Variants in PLPP1 observed in about 807,000 individuals in gnomAD.
The protein encoded by PLPP1 is phospholipid phosphatase 1.
Under a neutral mutation model 31.2 loss-of-function variants are expected in PLPP1, and 24 were observed. The ratio of observed to expected loss-of-function variants is 0.77; its 90% CI spans 0.56 to 1.08. The LOEUF is 1.08. Among genes scored for constraint, PLPP1 ranks in the 50% least tolerant of loss-of-function variants. The pLI, the probability that PLPP1 is intolerant of heterozygous loss-of-function variation, is 0.00. For missense variants in PLPP1, 319 were observed against 342.7 expected (o/e 0.93, Z 0.55); for synonymous variants, 146 against 126.3 (o/e 1.16, Z -1.05).
chr5:55,437,503 A>AT (rs1171251143), intron 4 of PLPP1, among the ~76,000 whole-genome samples: 4 of 151,522 alleles, frequency 2.6e-5, no homozygotes, highest in Non-Finnish European at 4.4e-5. Context: ...AAGCCTAAAT[A>AT]TTTATTATCT....
At chr5:55,530,415 G>A (rs1740618861) in intron 1 of PLPP1, 2 of 1,261,436 alleles carry the variant, frequency 1.6e-6, no homozygotes, top group African/African-American at 1.5e-5. Context: ...TTGACACAGG[G>A]GACACTTATA....
At chr5:55,472,775 GGAAGAA>G (rs1179017595) in intron 2 of PLPP1, among the ~76,000 whole-genome samples, 1 of 40,550 alleles carries the variant, frequency 2.5e-5, no homozygotes, top group African/African-American at 7.1e-5. Flanking sequence ...AAGAGGAAGA[GGAAGAA>G]GAAGAAGAAG....
At chr5:55,530,280 C>T in intron 1 of PLPP1, 1 of 1,508,332 alleles carries the variant, frequency 6.6e-7, no homozygotes, top group South Asian at 1.1e-5. Context: ...AACGAAATTT[C>T]TGGTAATCTG....
intron 1 of PLPP1, among the ~76,000 whole-genome samples, chr5:55,483,436 C>T (rs1752710752): frequency 6.6e-6 from 1 of 152,008 alleles, no homozygotes; most frequent in Admixed American, 6.6e-5. Flanking sequence ...TTTGGGGAGG[C>T]TGAGGTGGGC....
rs146996591 is a variant in PLPP1 at position 55,450,275 on chromosome 5, G to T, written c.492-8367C>A. Among the ~76,000 whole-genome samples, 1,286 of 152,194 alleles carry T rather than the reference G, an allele frequency of 8.4e-3. 14 individuals are homozygous for T. Among genetic ancestry groups the T allele is most frequent in the South Asian group, 0.046 (220 of 4,816 alleles). On this transcript the variant is annotated intron_variant, in intron 3 of 5. Transcript: ENST00000307259. ...ACATGCCGAGTGACTGACATCTACA[G>T]ATATTAGGTCATAAACCTTAAAGGA...
At chr5:55,442,224 C>G (rs965164172) in intron 3 of PLPP1, among the ~76,000 whole-genome samples, 1 of 152,138 alleles carries the variant, frequency 6.6e-6, no homozygotes, top group African/African-American at 2.4e-5. Flanking sequence ...CACAAATTGC[C>G]TTGACTTTAT....
intron 3 of PLPP1, among the ~76,000 whole-genome samples, chr5:55,444,743 T>TGTGTGTGTGTGTG (rs368045819): frequency 0.054 from 7,471 of 137,214 alleles, 398 homozygotes; most frequent in Admixed American, 0.11. Context: ...GGATTCTATT[T>TGTGTGTGTGTGTG]TGTGTGTGTG....
intron 1 of PLPP1, among the ~76,000 whole-genome samples, chr5:55,526,052 A>G (rs1253626270): frequency 1.3e-5 from 2 of 152,148 alleles, no homozygotes; most frequent in African/African-American, 4.8e-5. Context: ...CTGGGAGTTT[A>G]GTGACTTTTG....
At chr5:55,499,789 T>A (rs1045585115) in intron 1 of PLPP1, among the ~76,000 whole-genome samples, 1 of 152,066 alleles carries the variant, frequency 6.6e-6, no homozygotes, top group African/African-American at 2.4e-5. Flanking sequence ...GTCACCGCAA[T>A]GCTAAGGTAC....
intron 1 of PLPP1, among the ~76,000 whole-genome samples, chr5:55,531,719 T>C (rs1188563056): frequency 2.6e-5 from 4 of 152,232 alleles, no homozygotes; most frequent in African/African-American, 4.8e-5. Flanking sequence ...AAATTTAATA[T>C]AACAGACTCC....
chr5:55,521,245 C>T (rs754609719), intron 1 of PLPP1, among the ~76,000 whole-genome samples: 6 of 151,786 alleles, frequency 4.0e-5, no homozygotes, highest in Non-Finnish European at 7.4e-5. Context: ...CCCAGCTACT[C>T]GGGAGGCTGA....
chr5:55,512,471 A>C, intron 1 of PLPP1, among the ~76,000 whole-genome samples: 1 of 15,332 alleles, frequency 6.5e-5, no homozygotes, highest in African/African-American at 1.6e-4. Context: ...ACTGTCTCAA[A>C]AAAAAAAAAA....
intron 1 of PLPP1, among the ~76,000 whole-genome samples, chr5:55,528,918 GAA>G (rs1740562387): frequency 1.3e-5 from 2 of 152,116 alleles, no homozygotes; most frequent in South Asian, 4.2e-4. Flanking sequence ...TCTCACTAAT[GAA>G]TACTAAGAAC....
chr5:55,506,255 C>A (rs1753275086), intron 1 of PLPP1, among the ~76,000 whole-genome samples: 2 of 102,394 alleles, frequency 2.0e-5, no homozygotes. Context: ...ACAAATACAG[C>A]AAATTACTAA....
intron 5 of PLPP1, 50 bp downstream of exon 5, chr5:55,425,813 T>C (rs769983905): frequency 5.6e-6 from 8 of 1,437,596 alleles, no homozygotes; most frequent in East Asian, 4.8e-5. Flanking sequence ...TATTTACTTA[T>C]ATAAATGTTT....
chr5:55,530,423 A>G (rs1463486537), intron 1 of PLPP1: 18 of 1,260,514 alleles, frequency 1.4e-5, no homozygotes, highest in Admixed American at 6.7e-5. Flanking sequence ...GGGGACACTT[A>G]TAAGTAGGAT....
chr5:55,533,947 G>C (rs1740778240), intron 1 of PLPP1, among the ~76,000 whole-genome samples: 2 of 152,248 alleles, frequency 1.3e-5, no homozygotes, highest in Non-Finnish European at 2.9e-5. Flanking sequence ...GAGATGGAAA[G>C]CTACACCATG....
At chr5:55,431,197 C>T (rs1164105684) in intron 4 of PLPP1, among the ~76,000 whole-genome samples, 2 of 152,246 alleles carry the variant, frequency 1.3e-5, no homozygotes, top group East Asian at 3.9e-4. Flanking sequence ...GACACCCAGG[C>T]ACAGGAAGCT....
At chr5:55,512,488 G>GA (rs1398927901) in intron 1 of PLPP1, among the ~76,000 whole-genome samples, 2,071 of 11,780 alleles carry the variant, frequency 0.18, 146 homozygotes, top group Admixed American at 0.27. Context: ...AAAAAAGAAA[G>GA]AAAGAAAGAA....
Sources: gnomAD v4.1 joint callset for allele counts (sites outside exome capture counted in the v4.1 genomes callset) on GRCh38, gnomAD v4.1.1 for gene constraint, MANE v1.5 for transcripts, NCBI Gene and HGNC (gene_info 2026-07-23, HGNC 2026-07-21) for gene names.